Variants in EPB41 observed in about 807,000 individuals in gnomAD.
The protein encoded by EPB41 is erythrocyte membrane protein band 4.1.
A neutral mutation model predicts 108.0 loss-of-function variants in EPB41; 65 were observed. That is an observed-to-expected ratio of 0.60 (90% CI 0.49 to 0.74). The LOEUF (loss-of-function observed/expected upper bound fraction) is 0.74. Ranked by LOEUF, EPB41 falls within the 30% of genes least tolerant of loss-of-function variation. The probability of loss-of-function intolerance (pLI) is 0.00; values close to 1 mark genes in which losing one functional copy is unlikely to be tolerated. For synonymous variants in EPB41, 336 were observed against 358.9 expected (o/e 0.94, Z 0.72); for missense variants, 875 against 1,037.0 (o/e 0.84, Z 2.15).
In EPB41 at chr1:29,022,994, A is replaced by G. The variant is rs561007400; in HGVS notation, c.1124+4552A>G. 1.8e-3 allele frequency among the ~76,000 whole-genome samples: 275 copies of G among 151,992 alleles called. 2 individuals are homozygous for G. Among genetic ancestry groups the G allele is most frequent in the Middle Eastern group, 0.014 (4 of 294 alleles). ...TATGTTAAAAAGTAATGGGATTACC[A>G]TTATTTTATTTTATTTTGAAATGGA... On this transcript the variant is annotated intron_variant, in intron 7 of 20. Coordinates refer to ENST00000343067, the MANE Select transcript of EPB41 (RefSeq NM_001376013.1).
intron 1 of EPB41, among the ~76,000 whole-genome samples, chr1:28,958,305 C>T (rs533768348): frequency 3.9e-5 from 6 of 152,070 alleles, no homozygotes; most frequent in South Asian, 2.1e-4. Context: ...AAAGATTAGC[C>T]GGGTATGGTG....
At chr1:29,113,571 C>G (rs1183985541) in intron 19 of EPB41, among the ~76,000 whole-genome samples, 1 of 152,210 alleles carries the variant, frequency 6.6e-6, no homozygotes, top group African/African-American at 2.4e-5. Context: ...TCAGTCTGCA[C>G]TAGACAGCAA....
intron 11 of EPB41, among the ~76,000 whole-genome samples, chr1:29,040,909 A>G (rs1409667237): frequency 6.6e-6 from 1 of 151,800 alleles, no homozygotes; most frequent in Admixed American, 6.6e-5. Flanking sequence ...GCCAAGGTGG[A>G]TGGATCACAT....
At chr1:29,019,888 T>A (rs1259624568) in intron 7 of EPB41, among the ~76,000 whole-genome samples, 2 of 152,150 alleles carry the variant, frequency 1.3e-5, no homozygotes, top group African/African-American at 2.4e-5. Context: ...AGTAGTCTTA[T>A]AAGAGTTACC....
intron 11 of EPB41, chr1:29,041,266 G>A (rs1641443384): frequency 6.6e-6 from 1 of 152,014 alleles, no homozygotes; most frequent in South Asian, 2.1e-4. Flanking sequence ...GATCACTTGA[G>A]GTCAGGAGTT....
chr1:28,960,712 A>T (rs2095174245), intron 1 of EPB41, among the ~76,000 whole-genome samples: 1 of 151,818 alleles, frequency 6.6e-6, no homozygotes. Context: ...CCTGGGCGAC[A>T]GAGATCCTGT....
At chr1:29,049,267 G>A (rs1045654932) in intron 11 of EPB41, among the ~76,000 whole-genome samples, 3 of 152,084 alleles carry the variant, frequency 2.0e-5, no homozygotes, top group Non-Finnish European at 4.4e-5. Context: ...CCATTTCCAT[G>A]TATTCCTATT....
chr1:29,011,890 T>G lies in EPB41; in HGVS notation c.812T>G (p.Ile271Arg). 1 of 1,614,080 alleles carries G rather than the reference T, an allele frequency of 6.2e-7. No homozygotes were observed. Among genetic ancestry groups the G allele is most frequent in the Non-Finnish European group, 8.5e-7 (1 of 1,179,970 alleles). ...ACATGGCTGGATTCCGCCAAAGAAA[T>G]AAAAAAGCAGGTTCGTGGTAAGTGG... Reference protein sequence around the residue: ...SKTWLDSAKEIKKQVRGVPWN... With the variant: ...SKTWLDSAKERKKQVRGVPWN... Residue 271 changes from isoleucine to arginine, a missense_variant, in exon 5 of 21, where the codon ATA becomes AGA. This residue lies in a region of EPB41 where 353 missense variants were observed against 393.2 expected (regional missense o/e 0.90). Transcript: ENST00000343067.
intron 16 of EPB41, among the ~76,000 whole-genome samples, chr1:29,067,425 G>A (rs1239491568): frequency 6.6e-6 from 1 of 150,642 alleles, no homozygotes; most frequent in Non-Finnish European, 1.5e-5. Flanking sequence ...AAACCTGGGA[G>A]GCGGAGCTTG....
intron 7 of EPB41, among the ~76,000 whole-genome samples, chr1:29,022,674 T>C (rs2096662031): frequency 1.3e-5 from 2 of 151,812 alleles, no homozygotes; most frequent in South Asian, 4.1e-4. Flanking sequence ...TGAGCCAAGA[T>C]CGTGCCATTG....
chr1:29,068,680 A>G, intron 16 of EPB41: 2 of 1,101,532 alleles, frequency 1.8e-6, no homozygotes, highest in Non-Finnish European at 1.2e-6. Flanking sequence ...CTTTGACGGT[A>G]TTGTTGTTGC....
At chr1:28,972,395 G>A (rs1320796486) in intron 1 of EPB41, among the ~76,000 whole-genome samples, 1 of 152,190 alleles carries the variant, frequency 6.6e-6, no homozygotes, top group Non-Finnish European at 1.5e-5. Context: ...CATCTTTTAA[G>A]TATATGCCTG....
intron 15 of EPB41, among the ~76,000 whole-genome samples, chr1:29,062,598 A>G (rs977089454): frequency 2.6e-5 from 4 of 151,970 alleles, no homozygotes; most frequent in African/African-American, 9.7e-5. Flanking sequence ...ATCATTCTTT[A>G]GAAGTTTTTT....
chr1:29,065,265 G>T, intron 16 of EPB41, 107 bp downstream of exon 16: 1 of 1,421,576 alleles, frequency 7.0e-7, no homozygotes, highest in Non-Finnish European at 9.2e-7. Context: ...ATTTGGATTT[G>T]GTGCCTCACT....
chr1:29,111,655 A>AAAAT (rs915849242), intron 18 of EPB41, among the ~76,000 whole-genome samples: 22 of 151,464 alleles, frequency 1.5e-4, no homozygotes, highest in South Asian at 1.2e-3. Flanking sequence ...TCCGTCTCAA[A>AAAAT]AAATAAATAA....
chr1:29,016,179 G>GT (rs2096575409), intron 6 of EPB41, among the ~76,000 whole-genome samples: 1 of 151,884 alleles, frequency 6.6e-6, no homozygotes, highest in African/African-American at 2.4e-5. Context: ...TTTTGTTGTT[G>GT]TTTTTTGTTT....
chr1:28,953,753 T>G (rs10158728), intron 1 of EPB41, among the ~76,000 whole-genome samples: 18,729 of 152,252 alleles, frequency 0.12, 1,590 homozygotes, highest in African/African-American at 0.25. Context: ...AGATCTCATT[T>G]TCATCTTACG....
intron 16 of EPB41, among the ~76,000 whole-genome samples, chr1:29,085,271 T>C (rs2151312069): frequency 6.6e-6 from 1 of 151,340 alleles, no homozygotes; most frequent in East Asian, 2.0e-4. Flanking sequence ...GCCTCCTGAG[T>C]AACTGGGATT....
At chr1:29,011,747 A>C (rs977490745) in intron 4 of EPB41, 118 bp from the exon 5 acceptor site, 1 of 1,103,878 alleles carries the variant, frequency 9.1e-7, no homozygotes, top group Non-Finnish European at 1.3e-6. Flanking sequence ...AAGACTATCA[A>C]AGGAAATGCA....
Sources: gnomAD v4.1 joint callset for allele counts (sites outside exome capture counted in the v4.1 genomes callset) on GRCh38, gnomAD v4.1.1 for gene constraint, gnomAD v4.1.1 regional missense constraint, MANE v1.5 for transcripts, NCBI Gene and HGNC (gene_info 2026-07-23, HGNC 2026-07-21) for gene names.